Variants in SLC44A5 observed in about 807,000 individuals in gnomAD.
SLC44A5 encodes the protein solute carrier family 44 member 5, also known as choline transporter-like protein 5.
SLC44A5 carries 57 observed loss-of-function variants against 101.8 expected under a neutral mutation model. The ratio of observed to expected loss-of-function variants is 0.56; its 90% CI spans 0.45 to 0.70. SLC44A5 has a LOEUF of 0.70. Among genes scored for constraint, SLC44A5 ranks in the 30% least tolerant of loss-of-function variants. SLC44A5 has a pLI of 0.00. For synonymous variants in SLC44A5, 281 were observed against 290.9 expected (o/e 0.97, Z 0.35); for missense variants, 737 against 853.1 (o/e 0.86, Z 1.70).
chr1:75,295,065 C>T (rs1653857907), intron 5 of SLC44A5, among the ~76,000 whole-genome samples: 1 of 152,072 alleles, frequency 6.6e-6, no homozygotes, highest in East Asian at 1.9e-4. Context: ...AAAGTAACTA[C>T]GTGAGGTGAT....
chr1:75,258,071 G>A (rs78458183), intron 6 of SLC44A5, among the ~76,000 whole-genome samples: 3,817 of 152,204 alleles, frequency 0.025, 58 homozygotes, highest in Non-Finnish European at 0.039. Flanking sequence ...TCACTCCAGG[G>A]CCCACTCCAC....
the SLC44A5 span, among the ~76,000 whole-genome samples, chr1:75,716,182 G>C: frequency 6.6e-6 from 1 of 152,152 alleles, no homozygotes; most frequent in Admixed American, 6.5e-5. Context: ...CAAGGTTGTG[G>C]AGAAAAGGGA....
chr1:75,608,483 C>G (rs1013394425), intron 1 of SLC44A5, among the ~76,000 whole-genome samples: 3 of 151,940 alleles, frequency 2.0e-5, no homozygotes, highest in African/African-American at 7.2e-5. Flanking sequence ...ATTCTCAACA[C>G]AGTCGCCGTA....
the SLC44A5 span, among the ~76,000 whole-genome samples, chr1:75,700,537 G>C: frequency 1.3e-5 from 2 of 152,162 alleles, no homozygotes; most frequent in African/African-American, 4.8e-5. Context: ...AGCACTAAAT[G>C]CCCACAAGAG....
chr1:75,349,519 G>A (rs1658488689), intron 3 of SLC44A5, among the ~76,000 whole-genome samples: 1 of 152,122 alleles, frequency 6.6e-6, no homozygotes, highest in South Asian at 2.1e-4. Flanking sequence ...GTGAAAATAT[G>A]TTCAAAAGAA....
intron 2 of SLC44A5, among the ~76,000 whole-genome samples, chr1:75,403,020 C>T (rs1662600340): frequency 6.6e-6 from 1 of 152,156 alleles, no homozygotes; most frequent in Non-Finnish European, 1.5e-5. Flanking sequence ...GGAGGGACGT[C>T]CACCATTACT....
intron 4 of SLC44A5, among the ~76,000 whole-genome samples, chr1:75,308,192 T>A (rs187881624): frequency 1.6e-4 from 24 of 152,300 alleles, no homozygotes; most frequent in Admixed American, 1.5e-3. Context: ...CTTTCAAATG[T>A]ATTAGGTTAT....
chr1:75,238,615 T>G lies in SLC44A5; in HGVS notation c.554A>C (p.Asp185Ala), dbSNP rs185333789. 2 of 1,577,768 alleles carry G rather than the reference T, an allele frequency of 1.3e-6. No homozygotes were observed. Among genetic ancestry groups the G allele is most frequent in the African/African-American group, 2.7e-5 (2 of 73,710 alleles). ...TAAAGTGCCATTTTTGGTAGAGAAG[T>G]CAGGGAAACATCTCTGGAGAACTGT... is the stretch of plus-strand genomic sequence containing the variant. ...SKPFLQRCFP[D>A]FSTKNGTLTI... Residue 185 changes from aspartate to alanine, a missense_variant, in exon 10 of 24, where the codon GAC (aspartate) becomes GCC (alanine). Asp to Ala is a moderately radical substitution (Grantham distance 126). This residue lies in a region of SLC44A5 where 665 missense variants were observed against 764.4 expected (regional missense o/e 0.87). Coordinates refer to ENST00000370859, the MANE Select transcript of SLC44A5 (RefSeq NM_001130058.2).
At position 75,348,089 on chromosome 1, in the gene SLC44A5, C is replaced by T. The variant is rs547241178; in HGVS notation, c.53-8459G>A. The stretch of plus-strand genomic sequence containing the variant: ...GTGAGGATAAATCTGCAAGGAAAAA[C>T]TATACCTGCTAGCTTCAATTCCAAA... On this transcript the variant is annotated intron_variant, in intron 3 of 23. Transcript: ENST00000370859. Among the ~76,000 whole-genome samples the T allele has an allele frequency of 9.9e-5, 15 of 152,134 alleles. No individual in the cohort carries two copies. The South Asian group carries it at 2.1e-3, about 21-fold the overall frequency.
intron 3 of SLC44A5, among the ~76,000 whole-genome samples, chr1:75,387,279 C>T: frequency 6.6e-6 from 1 of 150,756 alleles, no homozygotes; most frequent in Non-Finnish European, 1.5e-5. Flanking sequence ...AGGCAACCTA[C>T]AAAATGGGAG....
the SLC44A5 span, among the ~76,000 whole-genome samples, chr1:75,656,127 A>G: frequency 1.3e-5 from 2 of 152,212 alleles, no homozygotes; most frequent in African/African-American, 2.4e-5. Flanking sequence ...CTGAAGGGAA[A>G]AACTTCCAAC....
At chr1:75,657,142 C>G in the SLC44A5 span, among the ~76,000 whole-genome samples, 2 of 151,960 alleles carry the variant, frequency 1.3e-5, no homozygotes, top group Non-Finnish European at 2.9e-5. Flanking sequence ...GAATGAGACT[C>G]TTTCTCAAAA....
chr1:75,265,407 G>C (rs1269475372), intron 6 of SLC44A5, among the ~76,000 whole-genome samples: 2 of 152,096 alleles, frequency 1.3e-5, no homozygotes, highest in Non-Finnish European at 2.9e-5. Context: ...TGGGGCAGGG[G>C]CTGGGGAGTG....
At position 75,464,251 on chromosome 1, in the gene SLC44A5, A is replaced by G. The variant is rs1384749704; in HGVS notation, c.14-67630T>C. Among the ~76,000 whole-genome samples, 6 of 151,296 alleles carry G rather than the reference A, an allele frequency of 4.0e-5. No individual in the cohort carries two copies. The East Asian group carries it at 1.2e-3, about 29-fold the overall frequency. ...AAAAAAAAAAAAAAAAAAGCAAGAA[A>G]GAAGAAAAAGGTAAAAAGCAGGAGG... On this transcript the variant is annotated intron_variant, in intron 2 of 23. Transcript: ENST00000370859.
At chr1:75,504,204 C>T (rs1669123980) in intron 2 of SLC44A5, among the ~76,000 whole-genome samples, 1 of 151,994 alleles carries the variant, frequency 6.6e-6, no homozygotes, top group South Asian at 2.1e-4. Context: ...TATCCTTATT[C>T]CACAAATGAG....
At chr1:75,278,902 CTTTAT>C (rs201380294) in intron 5 of SLC44A5, among the ~76,000 whole-genome samples, 1,571 of 152,052 alleles carry the variant, frequency 0.01, 32 homozygotes, top group African/African-American at 0.036. Context: ...ACTTTTATTA[CTTTAT>C]TTTATTTTAT....
intron 2 of SLC44A5, among the ~76,000 whole-genome samples, chr1:75,439,781 G>T (rs555137429): frequency 6.6e-6 from 1 of 152,050 alleles, no homozygotes; most frequent in African/African-American, 2.4e-5. Context: ...TACTGGAAAA[G>T]GTAATGGCAG....
intron 3 of SLC44A5, among the ~76,000 whole-genome samples, chr1:75,375,093 C>T (rs967428293): frequency 2.6e-5 from 4 of 152,126 alleles, no homozygotes; most frequent in African/African-American, 9.7e-5. Flanking sequence ...AAAATTAAAA[C>T]CCAATCCAAG....
intron 2 of SLC44A5, among the ~76,000 whole-genome samples, chr1:75,508,399 T>C (rs1669385649): frequency 6.6e-6 from 1 of 152,052 alleles, no homozygotes; most frequent in African/African-American, 2.4e-5. Context: ...CATCAAAATT[T>C]AGAAAAATCT....
Sources: gnomAD v4.1 joint callset for allele counts (sites outside exome capture counted in the v4.1 genomes callset) on GRCh38, gnomAD v4.1.1 for gene constraint, gnomAD v4.1.1 regional missense constraint, MANE v1.5 for transcripts, NCBI Gene and HGNC (gene_info 2026-07-23, HGNC 2026-07-21) for gene names.